The following ELAPOR1 variants were observed in gnomAD, a reference collection of about 807,000 sequenced individuals.
The protein encoded by ELAPOR1 is endosome/lysosome-associated apoptosis and autophagy regulator 1.
ELAPOR1 carries 77 observed loss-of-function variants against 119.7 expected under a neutral mutation model. That is an observed-to-expected ratio of 0.64 (90% CI 0.54 to 0.78). The LOEUF is 0.78. Among genes scored for constraint, ELAPOR1 ranks in the 30% least tolerant of loss-of-function variants. ELAPOR1 has a pLI of 0.00. For missense variants in ELAPOR1, 1,115 were observed against 1,270.4 expected (o/e 0.88, Z 1.86); for synonymous variants, 481 against 487.2 (o/e 0.99, Z 0.17).
Position 109,114,163 on chromosome 1 carries a change from C to G in ELAPOR1, c.-21C>G. 1 of 1,534,608 alleles carries G rather than the reference C, an allele frequency of 6.5e-7. No homozygotes were observed. The highest frequency in any genetic ancestry group is 8.8e-7 in the Non-Finnish European group (1 of 1,138,220). Reference sequence around the variant, plus strand: ...AGCCGCAGCACCTGAGCCGCTACTGCCGCTCACTCAGGACAACGCTATGGC... The same window carrying G: ...AGCCGCAGCACCTGAGCCGCTACTGGCGCTCACTCAGGACAACGCTATGGC... On this transcript the variant is annotated 5_prime_UTR_variant, in exon 1 of 22. Transcript: ENST00000369939.
chr1:109,164,391 A>T lies in ELAPOR1; in HGVS notation c.275-108A>T, dbSNP rs111948817. 19 of 905,520 alleles carry T rather than the reference A, an allele frequency of 2.1e-5. No homozygotes were observed. In the African/African-American group the frequency reaches 2.7e-4, roughly 13 times the overall value. The allele number at this position is 905,520 out of a possible 1,614,324, so 56.1% of individuals were successfully genotyped here. ...ATGGCCCTAAATCTTAGTGGGCCAAACTCCTAGACCCCAACCCAGCGCTCC... is the reference window on the plus strand; with the variant it reads ...ATGGCCCTAAATCTTAGTGGGCCAATCTCCTAGACCCCAACCCAGCGCTCC... On this transcript the variant is annotated intron_variant, in intron 2 of 21. Coordinates refer to ENST00000369939, the MANE Select transcript of ELAPOR1 (RefSeq NM_020775.5).
At chr1:109,161,645 C>A in intron 1 of ELAPOR1, 1 of 333,418 alleles carries the variant, frequency 3.0e-6, no homozygotes. Flanking sequence ...ACTACTTAAA[C>A]ATAACAACAA....
rs1653190649 is a variant in ELAPOR1 at position 109,188,301 on chromosome 1, CCAA to C, written c.1172_1174del (p.Asn391del). ...CCCTGCAACCCAGGCTTCTTCAAAA[CCAA>C]CAACAGCACCTGCCAGCCCTGCCCA... On this transcript the variant is annotated inframe_deletion, in exon 9 of 22. Coordinates refer to ENST00000369939, the MANE Select transcript of ELAPOR1 (RefSeq NM_020775.5). The C allele has an allele frequency of 6.2e-7, 1 of 1,614,096 alleles. No homozygotes were observed. Among genetic ancestry groups the C allele is most frequent in the Admixed American group, 1.7e-5 (1 of 60,008 alleles).
chr1:109,192,567 G>A (rs769954511), intron 13 of ELAPOR1, 44 bp from the exon 14 acceptor site: 1 of 1,602,160 alleles, frequency 6.2e-7, no homozygotes, highest in Non-Finnish European at 8.5e-7. Flanking sequence ...TGTTGCTGCT[G>A]TCTCAGGCCT....
intron 1 of ELAPOR1, among the ~76,000 whole-genome samples, chr1:109,130,592 G>A (rs896026882): frequency 2.0e-5 from 3 of 151,660 alleles, no homozygotes; most frequent in Non-Finnish European, 4.4e-5. Context: ...AGTGATCCTG[G>A]CACCTCGGCC....
At chr1:109,153,097 A>G (rs1650641021) in intron 1 of ELAPOR1, among the ~76,000 whole-genome samples, 1 of 152,098 alleles carries the variant, frequency 6.6e-6, no homozygotes, top group Non-Finnish European at 1.5e-5. Flanking sequence ...GAAGTTGGGC[A>G]ATGAGATGGG....
At chr1:109,145,240 G>A (rs1384875632) in intron 1 of ELAPOR1, among the ~76,000 whole-genome samples, 1 of 152,112 alleles carries the variant, frequency 6.6e-6, no homozygotes, top group Admixed American at 6.6e-5. Flanking sequence ...CCAAATGCTT[G>A]TGCCTTGATC....
intron 3 of ELAPOR1, 120 bp downstream of exon 3, chr1:109,164,811 G>A (rs1651486485): frequency 2.1e-6 from 2 of 944,202 alleles, no homozygotes. Flanking sequence ...GGAAGAGGAA[G>A]CCAGGCTGCC....
At chr1:109,168,649 G>A (rs1177771070) in intron 3 of ELAPOR1, among the ~76,000 whole-genome samples, 2 of 152,124 alleles carry the variant, frequency 1.3e-5, no homozygotes, top group African/African-American at 2.4e-5. Context: ...TCAAGCAGAC[G>A]CCCAAAGACT....
At chr1:109,175,183 AATTTTT>A (rs904353123) in intron 7 of ELAPOR1, among the ~76,000 whole-genome samples, 14 of 151,490 alleles carry the variant, frequency 9.2e-5, no homozygotes, top group Non-Finnish European at 1.3e-4. Flanking sequence ...TTAAGTGGTG[AATTTTT>A]ATTTTTATTT....
intron 17 of ELAPOR1, among the ~76,000 whole-genome samples, chr1:109,198,350 C>T (rs56903700): frequency 0.1 from 15,406 of 152,266 alleles, 846 homozygotes; most frequent in Middle Eastern, 0.21. Flanking sequence ...TGTATGCTAG[C>T]CATGACTTTC....
chr1:109,161,933 G>T lies in ELAPOR1; in HGVS notation c.193G>T (p.Gly65Cys), dbSNP rs1364841935. The T allele has an allele frequency of 6.8e-6, 11 of 1,614,062 alleles. No individual in the cohort carries two copies. Among genetic ancestry groups the T allele is most frequent in the African/African-American group, 1.3e-5 (1 of 75,052 alleles). The change falls in exon 2 of 22, where the codon GGT becomes TGT. Residue 65 changes from glycine to cysteine, a missense_variant. Transcript: ENST00000369939. ...TGAGTACACGGCGTGTGACAGCACG[G>T]GTTCCAGGTGGAGGGTCGCCGTGCC... ...HYEYTACDSTGSRWRVAVPHT... is the reference protein window; with the variant it reads ...HYEYTACDSTCSRWRVAVPHT...
At chr1:109,152,587 C>G (rs148027376) in intron 1 of ELAPOR1, among the ~76,000 whole-genome samples, 3 of 152,006 alleles carry the variant, frequency 2.0e-5, no homozygotes, top group African/African-American at 7.3e-5. Context: ...CAAATATAGC[C>G]ATTTATCAAA....
At chr1:109,117,673 A>G (rs112082443) in intron 1 of ELAPOR1, among the ~76,000 whole-genome samples, 9,292 of 152,274 alleles carry the variant, frequency 0.061, 381 homozygotes, top group Non-Finnish European at 0.087. Flanking sequence ...TAACATGTGA[A>G]GTGCCTAGTA....
chr1:109,138,573 G>C (rs955613588), intron 1 of ELAPOR1, among the ~76,000 whole-genome samples: 10 of 150,590 alleles, frequency 6.6e-5, no homozygotes, highest in South Asian at 2.1e-4. Flanking sequence ...CTCCCCACCA[G>C]CAGCAGCAGC....
chr1:109,174,790 A>G (rs1652162947), intron 7 of ELAPOR1, among the ~76,000 whole-genome samples: 1 of 151,798 alleles, frequency 6.6e-6, no homozygotes, highest in Non-Finnish European at 1.5e-5. Context: ...ATCTCAGCTC[A>G]CTGCAAACTC....
intron 1 of ELAPOR1, among the ~76,000 whole-genome samples, chr1:109,158,873 C>T (rs1185252015): frequency 2.7e-5 from 4 of 149,864 alleles, no homozygotes; most frequent in African/African-American, 7.3e-5. Context: ...CCTGGTTTAA[C>T]TCTCTCTAAG....
chr1:109,178,071 G>A (rs895074363), intron 7 of ELAPOR1, among the ~76,000 whole-genome samples: 6 of 149,790 alleles, frequency 4.0e-5, no homozygotes, highest in South Asian at 2.1e-4. Context: ...GTGCAATGGC[G>A]CAATCTTGGC....
At chr1:109,184,668 G>C (rs576809696) in intron 7 of ELAPOR1, among the ~76,000 whole-genome samples, 1 of 152,326 alleles carries the variant, frequency 6.6e-6, no homozygotes, top group South Asian at 2.1e-4. Context: ...TGAACTCTCT[G>C]AACCTCCCCA....
Sources: allele counts gnomAD v4.1 joint callset (sites outside exome capture counted in the v4.1 genomes callset), GRCh38; gene constraint gnomAD v4.1.1; transcripts MANE v1.5; gene names NCBI Gene and HGNC (gene_info 2026-07-23, HGNC 2026-07-21).